Variants in SORCS2 observed in about 807,000 individuals in gnomAD.
SORCS2 encodes VPS10 domain-containing receptor SorCS2.
SORCS2 carries 100 observed loss-of-function variants against 141.6 expected under a neutral mutation model. That is an observed-to-expected ratio of 0.71 (90% CI 0.60 to 0.83). SORCS2 has a LOEUF of 0.83. Ranked by LOEUF, SORCS2 falls within the 40% of genes least tolerant of loss-of-function variation. The pLI, the probability that SORCS2 is intolerant of heterozygous loss-of-function variation, is 0.00. For missense variants in SORCS2, 1,646 were observed against 1,560.2 expected, an observed-to-expected ratio of 1.05 and a Z score of -0.93; for synonymous variants, 789 against 676.9, an observed-to-expected ratio of 1.17 and a Z score of -2.57.
chr4:7,367,247 T>A (rs1721954072), intron 1 of SORCS2, among the ~76,000 whole-genome samples: 1 of 152,202 alleles, frequency 6.6e-6, no homozygotes, highest in African/African-American at 2.4e-5. Flanking sequence ...GAGGTCACAC[T>A]ACTTCACAAG....
chr4:7,590,547 A>G (rs564001991), intron 3 of SORCS2, among the ~76,000 whole-genome samples: 1 of 152,162 alleles, frequency 6.6e-6, no homozygotes, highest in African/African-American at 2.4e-5. Flanking sequence ...CAGCATTCTC[A>G]TGTGCTTTGT....
intron 2 of SORCS2, among the ~76,000 whole-genome samples, chr4:7,508,448 T>G (rs1412909664): frequency 6.7e-6 from 1 of 149,732 alleles, no homozygotes; most frequent in Admixed American, 6.7e-5. Flanking sequence ...CCTCCCGGGT[T>G]CAAGTGATTC....
At chr4:7,267,683 T>C (rs1714842439) in intron 1 of SORCS2, among the ~76,000 whole-genome samples, 1 of 152,126 alleles carries the variant, frequency 6.6e-6, no homozygotes, top group African/African-American at 2.4e-5. Context: ...ATACAAAAAT[T>C]AGCCAGGCGT....
intron 3 of SORCS2, among the ~76,000 whole-genome samples, chr4:7,627,473 G>T (rs997422759): frequency 2.0e-5 from 3 of 152,202 alleles, no homozygotes; most frequent in African/African-American, 7.2e-5. Flanking sequence ...ATGCCATGGG[G>T]GGTGAATGGG....
intron 19 of SORCS2, among the ~76,000 whole-genome samples, chr4:7,724,590 G>GAGGA (rs1560114207): frequency 1.4e-5 from 1 of 69,516 alleles, no homozygotes; most frequent in Admixed American, 1.9e-4. Context: ...TGGTGGTGGT[G>GAGGA]TTGGTGATGG....
intron 3 of SORCS2, among the ~76,000 whole-genome samples, chr4:7,580,994 A>G (rs549013652): frequency 4.6e-5 from 7 of 152,288 alleles, no homozygotes; most frequent in African/African-American, 1.7e-4. Flanking sequence ...CCTTACAACA[A>G]TCTTATAAGG....
intron 1 of SORCS2, among the ~76,000 whole-genome samples, chr4:7,392,518 C>T (rs537792804): frequency 2.0e-5 from 3 of 152,068 alleles, no homozygotes; most frequent in Non-Finnish European, 2.9e-5. Context: ...GCTGGGCTCA[C>T]GGGGGTTTAG....
chr4:7,580,655 G>A (rs376298382), intron 3 of SORCS2, among the ~76,000 whole-genome samples: 2 of 152,238 alleles, frequency 1.3e-5, no homozygotes, highest in African/African-American at 2.4e-5. Context: ...TACCTGTTTG[G>A]GAGCTACTAT....
chr4:7,717,015 C>A (rs1415945751), intron 17 of SORCS2, among the ~76,000 whole-genome samples: 1 of 152,218 alleles, frequency 6.6e-6, no homozygotes, highest in African/African-American at 2.4e-5. Flanking sequence ...GGGGGATCAG[C>A]CTTGGGGAGA....
chr4:7,550,501 G>A (rs1469422720), intron 3 of SORCS2, among the ~76,000 whole-genome samples: 2 of 152,236 alleles, frequency 1.3e-5, no homozygotes, highest in East Asian at 3.8e-4. Flanking sequence ...GCTCACAGCC[G>A]CAGAAAGGGG....
intron 1 of SORCS2, among the ~76,000 whole-genome samples, chr4:7,219,456 G>A (rs1428714854): frequency 6.6e-6 from 1 of 152,184 alleles, no homozygotes; most frequent in Non-Finnish European, 1.5e-5. Flanking sequence ...CTGCTATAAG[G>A]ACATACCTGA....
chr4:7,340,554 A>C (rs1161890500), intron 1 of SORCS2, among the ~76,000 whole-genome samples: 1 of 152,252 alleles, frequency 6.6e-6, no homozygotes, highest in African/African-American at 2.4e-5. Context: ...TGCGTGCCAC[A>C]GTCTCCTCCA....
rs1440765363 is a variant in SORCS2 at position 7,740,337 on chromosome 4, G to A, written c.*73G>A. 21 of 1,385,506 alleles carry A rather than the reference G, an allele frequency of 1.5e-5. No individual in the cohort carries two copies. The highest frequency in any genetic ancestry group is 1.4e-4 in the African/African-American group (10 of 70,238). The allele number at this position is 1,385,506 out of a possible 1,614,324, so 85.8% of individuals were successfully genotyped here. On this transcript the variant is annotated 3_prime_UTR_variant, in exon 27 of 27. Coordinates refer to ENST00000507866, the MANE Select transcript of SORCS2 (RefSeq NM_020777.3). ...CAGCAAAGCCGGCGGCTGGACTGGC[G>A]CCCCTCAGAGACCTGCGGAAAGCCC... is the stretch of plus-strand genomic sequence containing the variant.
At chr4:7,724,239 T>C (rs1237847521) in intron 19 of SORCS2, among the ~76,000 whole-genome samples, 1 of 149,718 alleles carries the variant, frequency 6.7e-6, no homozygotes. Context: ...GTGGTAGTGA[T>C]GATGGTGACG....
chr4:7,737,646 C>T (rs1712301115), intron 26 of SORCS2, among the ~76,000 whole-genome samples: 1 of 152,204 alleles, frequency 6.6e-6, no homozygotes, highest in South Asian at 2.1e-4. Context: ...GAAGCATTTC[C>T]ACTGATGGGA....
At chr4:7,221,513 G>A (rs1254521468) in intron 1 of SORCS2, among the ~76,000 whole-genome samples, 2 of 152,236 alleles carry the variant, frequency 1.3e-5, no homozygotes, top group Non-Finnish European at 2.9e-5. Context: ...GGGCAGGTTC[G>A]GATTACCCCA....
chr4:7,733,505 G>A lies in SORCS2; in HGVS notation c.3208+84G>A, dbSNP rs1018373426. 78 of 1,134,460 alleles carry A rather than the reference G, an allele frequency of 6.9e-5. No individual in the cohort carries two copies. In the African/African-American group the frequency reaches 1.2e-3, roughly 17 times the overall value. The allele number at this position is 1,134,460 out of a possible 1,614,324, so 70.3% of individuals were successfully genotyped here. ...AGCCATGTCCCTGCAGGGCCCTCGG[G>A]CAGATGGCCCGTATCCCCCTCCTGG... On this transcript the variant is annotated intron_variant, in intron 24 of 26. Coordinates refer to ENST00000507866, the MANE Select transcript of SORCS2 (RefSeq NM_020777.3).
At chr4:7,334,779 C>T (rs530186845) in intron 1 of SORCS2, among the ~76,000 whole-genome samples, 3 of 152,224 alleles carry the variant, frequency 2.0e-5, no homozygotes, top group African/African-American at 7.2e-5. Flanking sequence ...AGAGGGGAGA[C>T]CTGTCCTCCT....
In SORCS2 at chr4:7,449,490, C is replaced by T. The variant is rs181324485; in HGVS notation, c.548+53135C>T. ...ATGGGTGAATTTGGGCAAGTTACCACGTGACGTTGTGCCTCTGGTCTCCCT... is the reference window on the plus strand; with the variant it reads ...ATGGGTGAATTTGGGCAAGTTACCATGTGACGTTGTGCCTCTGGTCTCCCT... On this transcript the variant is annotated intron_variant, in intron 2 of 26. Coordinates refer to ENST00000507866, the MANE Select transcript of SORCS2 (RefSeq NM_020777.3). Among the ~76,000 whole-genome samples the T allele has an allele frequency of 2.4e-3, 362 of 148,306 alleles. 1 individual carries two copies. The highest frequency in any genetic ancestry group is 3.7e-3 in the Non-Finnish European group (251 of 67,290).
Sources: gnomAD v4.1 joint callset for allele counts (sites outside exome capture counted in the v4.1 genomes callset) on GRCh38, gnomAD v4.1.1 for gene constraint, MANE v1.5 for transcripts, NCBI Gene and HGNC (gene_info 2026-07-23, HGNC 2026-07-21) for gene names.